Variants in MEIS2 observed in about 807,000 individuals in gnomAD.
MEIS2 encodes the protein Meis homeobox 2, also known as homeobox protein Meis2.
MEIS2 carries 9 observed loss-of-function variants against 58.6 expected under a neutral mutation model. That is an observed-to-expected ratio of 0.15 (90% CI 0.09 to 0.27). The LOEUF (loss-of-function observed/expected upper bound fraction) is 0.27, where lower values mean the gene tolerates loss of function less well. MEIS2 is among the 10% of genes least tolerant of loss of function. MEIS2 has a pLI of 1.00. For synonymous variants in MEIS2, 221 were observed against 228.4 expected, an observed-to-expected ratio of 0.97 and a Z score of 0.29; for missense variants, 427 against 635.0, an observed-to-expected ratio of 0.67 and a Z score of 3.52.
chr15:36,907,049 A>G (rs1360860221), intron 9 of MEIS2, among the ~76,000 whole-genome samples: 1 of 152,136 alleles, frequency 6.6e-6, no homozygotes, highest in African/African-American at 2.4e-5. Flanking sequence ...CTCCTTACTT[A>G]ACGAAAGTAA....
At chr15:36,931,981 G>C (rs1325111808) in intron 9 of MEIS2, among the ~76,000 whole-genome samples, 1 of 152,166 alleles carries the variant, frequency 6.6e-6, no homozygotes, top group East Asian at 1.9e-4. Flanking sequence ...GAAAGGCAGT[G>C]CACAAAATCC....
At chr15:36,971,412 C>T (rs1308931375) in intron 8 of MEIS2, among the ~76,000 whole-genome samples, 3 of 151,244 alleles carry the variant, frequency 2.0e-5, no homozygotes, top group African/African-American at 7.3e-5. Flanking sequence ...ATTAGATTGC[C>T]TATATGCCAA....
intron 7 of MEIS2, among the ~76,000 whole-genome samples, chr15:37,061,267 G>A (rs764241631): frequency 2.2e-4 from 33 of 152,114 alleles, no homozygotes; most frequent in Non-Finnish European, 3.7e-4. Context: ...GGGATTAAAG[G>A]GATTGGGATG....
chr15:36,907,929 G>GGA (rs1555422201), intron 9 of MEIS2, among the ~76,000 whole-genome samples: 2 of 150,750 alleles, frequency 1.3e-5, no homozygotes, highest in Non-Finnish European at 3.0e-5. Context: ...TGCCAATGGG[G>GGA]AAAAAAAAAT....
chr15:37,005,536 C>T (rs553350118), intron 8 of MEIS2, among the ~76,000 whole-genome samples: 1 of 152,248 alleles, frequency 6.6e-6, no homozygotes, highest in East Asian at 1.9e-4. Flanking sequence ...TAGTTTACTG[C>T]ATTCTGTAGG....
At chr15:37,013,046 C>T (rs1402726701) in intron 8 of MEIS2, among the ~76,000 whole-genome samples, 2 of 152,130 alleles carry the variant, frequency 1.3e-5, no homozygotes, top group Middle Eastern at 3.4e-3. Flanking sequence ...CACACAAGAA[C>T]GCAAGTCAAA....
At chr15:37,070,093 G>A (rs989994574) in intron 7 of MEIS2, among the ~76,000 whole-genome samples, 1 of 151,972 alleles carries the variant, frequency 6.6e-6, no homozygotes, top group African/African-American at 2.4e-5. Flanking sequence ...CATTTTAGAG[G>A]GTGTAACCAA....
chr15:36,892,268 G>A lies in MEIS2; in HGVS notation c.1339C>T (p.His447Tyr). The A allele has an allele frequency of 1.9e-6, 3 of 1,614,086 alleles. No homozygotes were observed. The highest frequency in any genetic ancestry group is 1.1e-5 in the South Asian group (1 of 91,054). ...AMMMHGGPPT[H>Y]PGMTMSAQSP... ...TGTGCTGACATAGTCATTCCAGGGT[G>A]GGTAGGGGGTCCTCCGTGCATCATC... The change falls in exon 12 of 12, where the codon CAC becomes TAC. Residue 447 changes from histidine to tyrosine, a missense_variant. Around this residue, in one of 6 missense-constraint regions of MEIS2, gnomAD observed 154 missense variants for 148.1 expected, o/e 1.04. Coordinates refer to ENST00000561208, the MANE Select transcript of MEIS2 (RefSeq NM_170675.5).
intron 9 of MEIS2, among the ~76,000 whole-genome samples, chr15:36,920,999 A>G (rs2057485262): frequency 6.6e-6 from 1 of 152,144 alleles, no homozygotes; most frequent in Admixed American, 6.5e-5. Context: ...ACAAAAACAA[A>G]AACAAAAACA....
intron 8 of MEIS2, among the ~76,000 whole-genome samples, chr15:36,956,684 A>G (rs1373781208): frequency 6.6e-6 from 1 of 152,218 alleles, no homozygotes; most frequent in Non-Finnish European, 1.5e-5. Context: ...AAGCTCATGC[A>G]GACAAAAGCA....
At chr15:36,984,529 C>T (rs2141523406) in intron 8 of MEIS2, among the ~76,000 whole-genome samples, 1 of 152,182 alleles carries the variant, frequency 6.6e-6, no homozygotes, top group South Asian at 2.1e-4. Context: ...CTGTGTTCAC[C>T]AGGCATATTA....
At chr15:36,897,553 T>A (rs1223480593) in intron 9 of MEIS2, 2 of 152,196 alleles carry the variant, frequency 1.3e-5, no homozygotes, top group Non-Finnish European at 1.5e-5. Context: ...CATCAAATAT[T>A]CATGTACAAA....
intron 8 of MEIS2, among the ~76,000 whole-genome samples, chr15:37,008,797 C>A (rs1184517188): frequency 6.6e-6 from 1 of 152,032 alleles, no homozygotes; most frequent in African/African-American, 2.4e-5. Context: ...AGTGCCAGAA[C>A]GCATTATAGG....
chr15:36,951,459 C>T (rs2058746821), intron 8 of MEIS2, among the ~76,000 whole-genome samples: 1 of 152,116 alleles, frequency 6.6e-6, no homozygotes. Context: ...ACAAAGTATT[C>T]CATTCAGAAT....
rs140581015 is a variant in MEIS2, at chr15:37,096,884, T to A, written c.246-454A>T. Among the ~76,000 whole-genome samples the A allele has an allele frequency of 6.1e-4, 93 of 152,310 alleles. No individual in the cohort carries two copies. The East Asian group carries it at 0.016, about 27-fold the overall frequency. On this transcript the variant is annotated intron_variant, in intron 2 of 11. Coordinates refer to ENST00000561208, the MANE Select transcript of MEIS2 (RefSeq NM_170675.5). ...TTTTAACTCTGCATTTTAATGGGCA[T>A]TTCAGACGAGGCCAAAGGCTTCACC...
chr15:37,055,107 A>G (rs1199205230), intron 7 of MEIS2, among the ~76,000 whole-genome samples: 2 of 152,214 alleles, frequency 1.3e-5, no homozygotes, highest in Non-Finnish European at 2.9e-5. Flanking sequence ...GATGACACCA[A>G]TTGACTGCAT....
rs1359971954 is a variant in MEIS2, at chr15:37,099,721, TCCA to T, written c.-258_-256del. On this transcript the variant is annotated 5_prime_UTR_variant, in exon 1 of 12. Transcript: ENST00000561208. ...CTCCTCCTGATCTTCCTCCTCCTCC[TCCA>T]CCTCCTCCTCCTCCCCCCTCCCCTC... 4 of 407,018 alleles carry T rather than the reference TCCA, an allele frequency of 9.8e-6. No homozygotes were observed. Among genetic ancestry groups the T allele is most frequent in the South Asian group, 4.6e-5 (1 of 21,968 alleles). 25.2% of individuals were successfully genotyped at this position (407,018 alleles called of 1,614,324 possible). A position where few individuals can be genotyped will look rare whatever the true frequency, so the allele number is the denominator to read the frequency against.
chr15:37,022,508 C>A (rs2061559346), intron 8 of MEIS2, among the ~76,000 whole-genome samples: 2 of 152,160 alleles, frequency 1.3e-5, no homozygotes, highest in South Asian at 4.1e-4. Context: ...CTCTGTCTCC[C>A]AAAGTGCTGG....
chr15:37,091,591 A>G (rs1007269278), intron 6 of MEIS2, among the ~76,000 whole-genome samples: 3 of 152,222 alleles, frequency 2.0e-5, no homozygotes, highest in Non-Finnish European at 4.4e-5. Flanking sequence ...TGATTGATAA[A>G]TTATTAAAGC....
Sources: gnomAD v4.1 joint callset for allele counts (sites outside exome capture counted in the v4.1 genomes callset) on GRCh38, gnomAD v4.1.1 for gene constraint, gnomAD v4.1.1 regional missense constraint, MANE v1.5 for transcripts, NCBI Gene and HGNC (gene_info 2026-07-23, HGNC 2026-07-21) for gene names.